KIAA1549: variants seen among roughly 807,000 people sequenced by gnomAD.
The protein encoded by KIAA1549 is KIAA1549, also known as UPF0606 protein KIAA1549.
Under a neutral mutation model 156.4 loss-of-function variants are expected in KIAA1549, and 70 were observed. The ratio of observed to expected loss-of-function variants is 0.45; its 90% CI spans 0.37 to 0.55. The LOEUF (loss-of-function observed/expected upper bound fraction) is 0.55. Among genes scored for constraint, KIAA1549 ranks in the 20% least tolerant of loss-of-function variants. KIAA1549 has a pLI of 0.00. For synonymous variants in KIAA1549, 1,103 were observed against 1,066.4 expected, an observed-to-expected ratio of 1.03 and a Z score of -0.67; for missense variants, 2,428 against 2,540.9, an observed-to-expected ratio of 0.96 and a Z score of 0.96.
At chr7:138,860,397 T>C (rs562976646) in intron 16 of KIAA1549, among the ~76,000 whole-genome samples, 13 of 152,340 alleles carry the variant, frequency 8.5e-5, no homozygotes, top group Admixed American at 7.8e-4. Flanking sequence ...CCCAATTTCA[T>C]GTAACAAGGT....
At chr7:138,971,437 C>A (rs751679673) in intron 1 of KIAA1549, among the ~76,000 whole-genome samples, 5 of 152,168 alleles carry the variant, frequency 3.3e-5, no homozygotes, top group Non-Finnish European at 7.3e-5. Context: ...CCCTTCCAAG[C>A]CCCCAGGAGC....
rs1814531852 is a variant in KIAA1549, at chr7:138,981,077, G to A, written c.187+6C>T. 9 of 1,225,010 alleles carry A rather than the reference G, an allele frequency of 7.3e-6. No homozygotes were observed. The highest frequency in any genetic ancestry group is 8.2e-5 in the South Asian group (2 of 24,302). 75.9% of individuals were successfully genotyped at this position (1,225,010 alleles called of 1,614,324 possible). On this transcript the variant is annotated splice_donor_region_variant and intron_variant, in intron 1 of 19. Coordinates refer to ENST00000422774, the MANE Select transcript of KIAA1549 (RefSeq NM_001164665.2). The surrounding 1 kb of genome is among the most constrained non-coding windows in gnomAD (Gnocchi z 4.5). ...GCCGCGTTCCGAGGGTCTCGGCGGA[G>A]CTTACCTGGGGCGCACGAGGCCGGC...
rs144320496 is a variant in KIAA1549 at position 138,832,190 on chromosome 7, CCT to C, written c.*5714_*5715del. On this transcript the variant is annotated 3_prime_UTR_variant, in exon 20 of 20. Transcript: ENST00000422774. ...TTCACCTCTGTCCCTTTTACCTATT[CCT>C]TTTTTTTTTTTTTTTTTTTCCAGAG... 27 of 170,012 alleles carry C rather than the reference CCT, an allele frequency of 1.6e-4. No homozygotes were observed. In the Middle Eastern group the frequency reaches 5.9e-3, roughly 37 times the overall value. The allele number at this position is 170,012 out of a possible 1,614,324, so 10.5% of individuals were successfully genotyped here.
At chr7:138,945,765 T>C (rs1024777500) in intron 1 of KIAA1549, among the ~76,000 whole-genome samples, 13 of 152,192 alleles carry the variant, frequency 8.5e-5, no homozygotes, top group South Asian at 4.1e-4. Context: ...TTATAAAAGA[T>C]TGGTTTCTTT....
At chr7:138,973,087 G>A (rs965061713) in intron 1 of KIAA1549, among the ~76,000 whole-genome samples, 4 of 152,162 alleles carry the variant, frequency 2.6e-5, no homozygotes, top group African/African-American at 7.2e-5. Flanking sequence ...CTCCCAAAGT[G>A]CTGGGATTAC....
At chr7:138,860,617 C>T (rs1810543425) in intron 16 of KIAA1549, among the ~76,000 whole-genome samples, 1 of 152,142 alleles carries the variant, frequency 6.6e-6, no homozygotes, top group Non-Finnish European at 1.5e-5. Flanking sequence ...AGATGAAATG[C>T]TGAAATGTCA....
At chr7:138,906,832 A>C in intron 6 of KIAA1549, 87 bp downstream of exon 6, 2 of 1,117,750 alleles carry the variant, frequency 1.8e-6, no homozygotes, top group Non-Finnish European at 2.5e-6. Context: ...CAAGTCTTTT[A>C]AAAAACTAAA....
At chr7:138,881,670 C>A in intron 10 of KIAA1549, 86 bp from the exon 11 acceptor site, 2 of 1,167,200 alleles carry the variant, frequency 1.7e-6, no homozygotes, top group Non-Finnish European at 2.4e-6. Context: ...CAAGACTGTG[C>A]TGGCAATTCC....
rs561935564 is a variant in KIAA1549 at position 138,905,258 on chromosome 7, AAAAG to A, written c.3461-181_3461-178del. Reference sequence around the variant, plus strand: ...TTTCTGAACACATTAGTCTCAAGGAAAAAGAGAGAGATAAAAAGAAAAGAAGGGC... The same window carrying A: ...TTTCTGAACACATTAGTCTCAAGGAAAGAGAGATAAAAAGAAAAGAAGGGC... On this transcript the variant is annotated intron_variant, in intron 6 of 19. Transcript: ENST00000422774. Among the ~76,000 whole-genome samples, 138 of 152,358 alleles carry A rather than the reference AAAAG, an allele frequency of 9.1e-4. 1 individual carries two copies. The highest frequency in any genetic ancestry group is 1.1e-3 in the Non-Finnish European group (74 of 68,032).
At chr7:138,840,840 C>T (rs1302666703) in intron 18 of KIAA1549, among the ~76,000 whole-genome samples, 1 of 152,162 alleles carries the variant, frequency 6.6e-6, no homozygotes, top group African/African-American at 2.4e-5. Context: ...ACCACAATCC[C>T]ACCCCTGATG....
chr7:138,963,044 C>A (rs1813902093), intron 1 of KIAA1549, among the ~76,000 whole-genome samples: 1 of 152,236 alleles, frequency 6.6e-6, no homozygotes, highest in Non-Finnish European at 1.5e-5. Flanking sequence ...AGGGCTGTGA[C>A]TGACTGCCGT....
intron 1 of KIAA1549, among the ~76,000 whole-genome samples, chr7:138,945,276 T>A (rs1455015885): frequency 5.9e-5 from 9 of 152,192 alleles, no homozygotes; most frequent in African/African-American, 2.2e-4. Flanking sequence ...TCACCCCAGG[T>A]GCCTTAGCGC....
chr7:138,924,553 G>A (rs367852289), intron 1 of KIAA1549, among the ~76,000 whole-genome samples: 7 of 152,128 alleles, frequency 4.6e-5, no homozygotes, highest in African/African-American at 1.4e-4. Context: ...GACAGGGTAC[G>A]GGGAGGGCAA....
intron 2 of KIAA1549, among the ~76,000 whole-genome samples, chr7:138,915,151 A>G (rs1374860963): frequency 6.6e-6 from 1 of 152,112 alleles, no homozygotes; most frequent in Non-Finnish European, 1.5e-5. Flanking sequence ...CTCCTCCCCC[A>G]GAAGACACTT....
intron 1 of KIAA1549, among the ~76,000 whole-genome samples, chr7:138,939,827 GT>G (rs1284616042): frequency 6.6e-6 from 1 of 152,060 alleles, no homozygotes; most frequent in Non-Finnish European, 1.5e-5. Flanking sequence ...CACTAAGGAG[GT>G]TGGGTTTTTT....
In KIAA1549 at chr7:138,911,287, T is replaced by C. The variant is rs1453697449; in HGVS notation, c.3004A>G (p.Thr1002Ala). Reference protein sequence around the residue: ...ELFTDFTFLVTSGPFVYTAIS... With the variant: ...ELFTDFTFLVASGPFVYTAIS... Reference sequence around the variant, plus strand: ...GCCGTGTAAACGAAAGGACCGGATGTTACCAGAAAAGTGAAGTCAGTAAAT... The same window carrying C: ...GCCGTGTAAACGAAAGGACCGGATGCTACCAGAAAAGTGAAGTCAGTAAAT... Residue 1002 changes from threonine to alanine, a missense_variant, in exon 4 of 20, where the codon ACA becomes GCA. This residue lies in a region of KIAA1549 where 762 missense variants were observed against 901.6 expected (regional missense o/e 0.85). Coordinates refer to ENST00000422774, the MANE Select transcript of KIAA1549 (RefSeq NM_001164665.2). 39 of 1,601,254 alleles carry C rather than the reference T, an allele frequency of 2.4e-5. No individual in the cohort carries two copies. Among genetic ancestry groups the C allele is most frequent in the Non-Finnish European group, 3.2e-5 (38 of 1,173,464 alleles).
At chr7:138,885,120 GGGAGGC>G (rs144467910) in intron 10 of KIAA1549, among the ~76,000 whole-genome samples, 3,954 of 152,258 alleles carry the variant, frequency 0.026, 161 homozygotes, top group African/African-American at 0.09. Context: ...GCTTGAACCA[GGGAGGC>G]GGAGGTTGTG....
intron 10 of KIAA1549, among the ~76,000 whole-genome samples, chr7:138,883,572 C>T (rs180781871): frequency 1.1e-3 from 161 of 152,142 alleles, no homozygotes; most frequent in Non-Finnish European, 1.8e-3. Context: ...CCACCTTGGC[C>T]GCCCAAAGTG....
chr7:138,863,743 C>A (rs555335583), intron 15 of KIAA1549, among the ~76,000 whole-genome samples: 13 of 152,158 alleles, frequency 8.5e-5, no homozygotes, highest in Non-Finnish European at 1.8e-4. Context: ...CTTCTCTCCA[C>A]GGCAGTCCCC....
Sources: gnomAD v4.1 joint callset for allele counts (sites outside exome capture counted in the v4.1 genomes callset) on GRCh38, gnomAD v4.1.1 for gene constraint, gnomAD v4.1.1 regional missense constraint, Gnocchi (gnomAD v3.1) non-coding constraint, MANE v1.5 for transcripts, NCBI Gene and HGNC (gene_info 2026-07-23, HGNC 2026-07-21) for gene names.